The following MDFIC variants were observed in gnomAD, a reference collection of about 807,000 sequenced individuals.
The protein encoded by MDFIC is MyoD family inhibitor domain containing, also known as myoD family inhibitor domain-containing protein.
Under a neutral mutation model 23.2 loss-of-function variants are expected in MDFIC, and 17 were observed. The ratio of observed to expected loss-of-function variants is 0.73; its 90% CI spans 0.50 to 1.10. The LOEUF (loss-of-function observed/expected upper bound fraction) is 1.10. MDFIC is among the 50% of genes least tolerant of loss of function. The pLI is 0.00. For synonymous variants in MDFIC, 120 were observed against 115.2 expected (o/e 1.04, Z -0.27); for missense variants, 356 against 316.6 (o/e 1.12, Z -0.95).
intron 4 of MDFIC, among the ~76,000 whole-genome samples, chr7:115,002,519 A>C (rs1791485096): frequency 6.6e-6 from 1 of 152,178 alleles, no homozygotes; most frequent in Non-Finnish European, 1.5e-5. Context: ...CACAGCAGTG[A>C]ACTACAAAGA....
At chr7:114,928,307 GA>G (rs370495401) in intron 2 of MDFIC, among the ~76,000 whole-genome samples, 40 of 148,600 alleles carry the variant, frequency 2.7e-4, no homozygotes, top group African/African-American at 6.2e-4. Context: ...TAAGAACTGT[GA>G]AAAAAAAAAG....
At chr7:114,956,246 AG>A (rs1429029458) in intron 3 of MDFIC, among the ~76,000 whole-genome samples, 1 of 152,094 alleles carries the variant, frequency 6.6e-6, no homozygotes, top group Non-Finnish European at 1.5e-5. Context: ...GCAAGAGAAA[AG>A]TTGGAAAAAT....
rs551144287 is a variant in MDFIC, at chr7:114,964,856, G to A, written c.218-14650G>A. Among the ~76,000 whole-genome samples the A allele has an allele frequency of 3.3e-5, 5 of 152,224 alleles. No individual in the cohort carries two copies. In the East Asian group the frequency reaches 5.8e-4, roughly 18 times the overall value. ...TAGCCACCATGCCGGGCCCCTTGAC[G>A]TCATTTTTCTATGTGGTCACTGTTC... On this transcript the variant is annotated intron_variant, in intron 3 of 4. Coordinates refer to ENST00000393486, the MANE Select transcript of MDFIC (RefSeq NM_001166345.3).
chr7:114,924,905 A>G (rs1454820185), intron 2 of MDFIC, among the ~76,000 whole-genome samples: 1 of 152,150 alleles, frequency 6.6e-6, no homozygotes, highest in Non-Finnish European at 1.5e-5. Flanking sequence ...GGTTTTATTG[A>G]TAAAGACATT....
chr7:114,964,595 G>C (rs1328067358), intron 3 of MDFIC, among the ~76,000 whole-genome samples: 2 of 150,752 alleles, frequency 1.3e-5, no homozygotes, highest in Non-Finnish European at 2.9e-5. Context: ...CTGTTGCCCA[G>C]GCTGGAGTGC....
chr7:114,940,713 C>T (rs1360734631), intron 2 of MDFIC, among the ~76,000 whole-genome samples: 5 of 152,174 alleles, frequency 3.3e-5, no homozygotes, highest in Admixed American at 3.3e-4. Context: ...GCCTGGGCAG[C>T]ATTTCATAAG....
chr7:114,999,084 C>T (rs531717325), intron 4 of MDFIC, among the ~76,000 whole-genome samples: 12 of 152,170 alleles, frequency 7.9e-5, no homozygotes, highest in Middle Eastern at 3.4e-3. Flanking sequence ...TCTCATTTCT[C>T]TATTTCATAC....
At chr7:114,979,418 A>C in intron 3 of MDFIC, 88 bp from the exon 4 acceptor site, 1 of 1,362,592 alleles carries the variant, frequency 7.3e-7, no homozygotes, top group Non-Finnish European at 9.8e-7. Context: ...TAAAACCCCA[A>C]ATCTCTGTTA....
At chr7:115,014,649 C>A in intron 4 of MDFIC, 1 of 677,232 alleles carries the variant, frequency 1.5e-6, no homozygotes, top group Non-Finnish European at 2.0e-6. Context: ...CACAAAACAA[C>A]CCAGAATTAA....
intron 3 of MDFIC, 90 bp from the exon 4 acceptor site, chr7:114,979,416 C>A (rs758069575): frequency 6.9e-5 from 93 of 1,352,434 alleles, no homozygotes; most frequent in Non-Finnish European, 9.1e-5. Flanking sequence ...GGTAAAACCC[C>A]AAATCTCTGT....
At position 114,964,613 on chromosome 7, in the gene MDFIC, C is replaced by T. The variant is rs567664835; in HGVS notation, c.218-14893C>T. Among the ~76,000 whole-genome samples, 279 of 152,016 alleles carry T rather than the reference C, an allele frequency of 1.8e-3. 2 individuals are homozygous for T. Among genetic ancestry groups the T allele is most frequent in the Non-Finnish European group, 3.6e-3 (242 of 67,974 alleles). On this transcript the variant is annotated intron_variant, in intron 3 of 4. Transcript: ENST00000393486. Reference sequence around the variant, plus strand: ...TTGCCCAGGCTGGAGTGCCATGGCACGATCTTGGCTCACTGCAACCTCCGC... The same window carrying T: ...TTGCCCAGGCTGGAGTGCCATGGCATGATCTTGGCTCACTGCAACCTCCGC...
intron 3 of MDFIC, among the ~76,000 whole-genome samples, chr7:114,955,535 T>C (rs1387059590): frequency 6.6e-6 from 1 of 152,212 alleles, no homozygotes; most frequent in African/African-American, 2.4e-5. Context: ...TGAAGGTTCC[T>C]TAAGGGTAAG....
intron 3 of MDFIC, among the ~76,000 whole-genome samples, chr7:114,963,383 C>T (rs565638849): frequency 3.3e-5 from 5 of 152,234 alleles, no homozygotes; most frequent in South Asian, 4.2e-4. Context: ...GAGCCTTGTT[C>T]GGCTTCAGGG....
chr7:114,963,572 T>G (rs1353291907), intron 3 of MDFIC, among the ~76,000 whole-genome samples: 1 of 152,168 alleles, frequency 6.6e-6, no homozygotes, highest in African/African-American at 2.4e-5. Context: ...AAATTGTGCA[T>G]CTATTATTTG....
intron 4 of MDFIC, among the ~76,000 whole-genome samples, chr7:115,004,707 A>T (rs947820249): frequency 2.6e-5 from 4 of 152,214 alleles, no homozygotes; most frequent in Non-Finnish European, 5.9e-5. Flanking sequence ...GCTGGTTAGG[A>T]ATGAAGACTG....
At chr7:114,932,457 A>G (rs1792330274) in intron 2 of MDFIC, among the ~76,000 whole-genome samples, 2 of 152,228 alleles carry the variant, frequency 1.3e-5, no homozygotes, top group African/African-American at 4.8e-5. Flanking sequence ...TAAGACACAG[A>G]CAACAGTTAT....
chr7:115,012,665 A>G (rs1435912325), intron 4 of MDFIC, among the ~76,000 whole-genome samples: 1 of 152,144 alleles, frequency 6.6e-6, no homozygotes, highest in African/African-American at 2.4e-5. Flanking sequence ...AACACTGATG[A>G]TGACCAAAAT....
intron 3 of MDFIC, among the ~76,000 whole-genome samples, chr7:114,964,570 C>T (rs567040973): frequency 1.1e-4 from 16 of 150,982 alleles, no homozygotes; most frequent in African/African-American, 2.2e-4. Flanking sequence ...CCTCCCCTTC[C>T]GACAGAACAT....
intron 2 of MDFIC, among the ~76,000 whole-genome samples, chr7:114,932,204 A>G (rs2115709822): frequency 6.6e-6 from 1 of 152,352 alleles, no homozygotes; most frequent in East Asian, 1.9e-4. Context: ...TTTCACCAAT[A>G]TGCAAAATGG....
Sources: gnomAD v4.1 joint callset for allele counts (sites outside exome capture counted in the v4.1 genomes callset) on GRCh38, gnomAD v4.1.1 for gene constraint, MANE v1.5 for transcripts, NCBI Gene and HGNC (gene_info 2026-07-23, HGNC 2026-07-21) for gene names.